Variants in CSNK2A1 observed in about 807,000 individuals in gnomAD.
CSNK2A1 encodes the protein casein kinase II subunit alpha.
CSNK2A1 carries 10 observed loss-of-function variants against 62.9 expected under a neutral mutation model. The ratio of observed to expected loss-of-function variants is 0.16; its 90% CI spans 0.10 to 0.27. The LOEUF (loss-of-function observed/expected upper bound fraction) is 0.27. CSNK2A1 is among the 10% of genes least tolerant of loss of function. The pLI is 1.00. For synonymous variants in CSNK2A1, 124 were observed against 167.8 expected (o/e 0.74, Z 2.02); for missense variants, 160 against 492.0 (o/e 0.33, Z 6.38).
intron 2 of CSNK2A1, among the ~76,000 whole-genome samples, chr20:509,544 T>C (rs1341498678): frequency 6.6e-6 from 1 of 152,176 alleles, no homozygotes; most frequent in Non-Finnish European, 1.5e-5. Context: ...CGTATGCAAG[T>C]CTCCTGGCTG....
chr20:487,982 A>T (rs1292773633), intron 11 of CSNK2A1: 1 of 251,138 alleles, frequency 4.0e-6, no homozygotes, highest in Admixed American at 4.9e-5. Flanking sequence ...TTGAGTGGTT[A>T]AGTGTATAAG....
At chr20:522,162 A>G (rs1234095940) in intron 2 of CSNK2A1, among the ~76,000 whole-genome samples, 1 of 152,208 alleles carries the variant, frequency 6.6e-6, no homozygotes, top group African/African-American at 2.4e-5. Context: ...GTGGAGCTCA[A>G]TTTTTCTCCT....
intron 7 of CSNK2A1, chr20:496,255 A>G (rs1264795023): frequency 6.0e-6 from 1 of 165,796 alleles, no homozygotes; most frequent in Non-Finnish European, 1.3e-5. Flanking sequence ...TTTTGTAAAT[A>G]ATGTTTTATT....
Position 500,227 on chromosome 20 carries a change from A to C in CSNK2A1, c.214-293T>G, listed in dbSNP as rs2018432169. 3 of 310,972 alleles carry C rather than the reference A, an allele frequency of 9.6e-6. No individual in the cohort carries two copies. In the South Asian group the frequency reaches 1.3e-4, roughly 13 times the overall value. The allele number at this position is 310,972 out of a possible 1,614,324, so 19.3% of individuals were successfully genotyped here. A position where few individuals can be genotyped will look rare whatever the true frequency, so the allele number is the denominator to read the frequency against. On this transcript the variant is annotated intron_variant, in intron 4 of 13. Transcript: ENST00000217244. ...TGATGTTAATGTTTTAAAACATGTT[A>C]AACATGTTAATGTCTTAAAACCTTA...
At chr20:525,275 G>A (rs1043118060) in intron 2 of CSNK2A1, among the ~76,000 whole-genome samples, 3 of 151,694 alleles carry the variant, frequency 2.0e-5, no homozygotes, top group African/African-American at 7.3e-5. Context: ...ACTTTGGGAG[G>A]CTGAGGTGAG....
In CSNK2A1 at chr20:478,378, G is replaced by A. The variant is rs944685532; in HGVS notation, c.*5583C>T. 2.2e-5 allele frequency: 5 copies of A among 224,774 alleles called. No homozygotes were observed. The highest frequency in any genetic ancestry group is 1.2e-4 in the African/African-American group (5 of 41,810). The allele number at this position is 224,774 out of a possible 1,614,324, so 13.9% of individuals were successfully genotyped here. ...AGCAAGGTCCTCTCCTTCTAGGTAT[G>A]GCTAGAAATGTTTATCAATAGCTGA... is the stretch of plus-strand genomic sequence containing the variant. On this transcript the variant is annotated 3_prime_UTR_variant, in exon 14 of 14. Transcript: ENST00000217244.
rs1355045685 is a variant in CSNK2A1, at chr20:483,299, TGAACA to T, written c.*657_*661del. The T allele has an allele frequency of 1.3e-5, 2 of 152,204 alleles. No homozygotes were observed. Among genetic ancestry groups the T allele is most frequent in the African/African-American group, 2.4e-5 (1 of 41,450 alleles). The allele number at this position is 152,204 out of a possible 1,614,324, so 9.4% of individuals were successfully genotyped here. The stretch of plus-strand genomic sequence containing the variant: ...TAGATCAGTAAGACATGATTCTTAC[TGAACA>T]GAAGTTTTTAGTATCTGTCTGCATT... On this transcript the variant is annotated 3_prime_UTR_variant, in exon 14 of 14. Transcript: ENST00000217244.
chr20:535,431 C>T (rs2019297510), intron 1 of CSNK2A1, among the ~76,000 whole-genome samples: 1 of 152,156 alleles, frequency 6.6e-6, no homozygotes, highest in African/African-American at 2.4e-5. Context: ...AAGCAGATGG[C>T]CATTTGTAGC....
intron 2 of CSNK2A1, among the ~76,000 whole-genome samples, chr20:525,420 A>C (rs2019059780): frequency 6.6e-6 from 1 of 152,078 alleles, no homozygotes; most frequent in Non-Finnish European, 1.5e-5. Context: ...TGGGAGGCTG[A>C]GGCGGGCGGA....
At chr20:530,676 T>C (rs951379416) in intron 1 of CSNK2A1, among the ~76,000 whole-genome samples, 2 of 152,168 alleles carry the variant, frequency 1.3e-5, no homozygotes, top group South Asian at 2.1e-4. Flanking sequence ...GGTTTCGCCA[T>C]GTTGCCCAGG....
chr20:475,859 C>G lies in CSNK2A1; in HGVS notation c.*8102G>C, dbSNP rs929470009. 1 of 152,194 alleles carries G rather than the reference C, an allele frequency of 6.6e-6. No individual in the cohort carries two copies. Among genetic ancestry groups the G allele is most frequent in the Non-Finnish European group, 1.5e-5 (1 of 68,052 alleles). The allele number at this position is 152,194 out of a possible 1,614,324, so 9.4% of individuals were successfully genotyped here. ...CTGCTGCAACTTCTGCCACATTGGGCAAACCTGAATCCAATTCACATGGAG... is the reference window on the plus strand; with the variant it reads ...CTGCTGCAACTTCTGCCACATTGGGGAAACCTGAATCCAATTCACATGGAG... On this transcript the variant is annotated 3_prime_UTR_variant, in exon 14 of 14. Coordinates refer to ENST00000217244, the MANE Select transcript of CSNK2A1 (RefSeq NM_177559.3).
intron 2 of CSNK2A1, among the ~76,000 whole-genome samples, chr20:516,491 T>C (rs1307317191): frequency 1.3e-5 from 2 of 152,230 alleles, no homozygotes; most frequent in African/African-American, 2.4e-5. Context: ...GAAAATGCCA[T>C]TAAACCATAA....
intron 6 of CSNK2A1, chr20:498,991 T>C (rs774925734): frequency 8.1e-6 from 2 of 246,946 alleles, no homozygotes; most frequent in African/African-American, 2.2e-5. Flanking sequence ...CTTCATTAGG[T>C]TGGACATCAG....
chr20:542,411 C>T (rs1383412877), intron 1 of CSNK2A1, among the ~76,000 whole-genome samples: 1 of 152,180 alleles, frequency 6.6e-6, no homozygotes, highest in East Asian at 1.9e-4. Context: ...GTCTCCAATT[C>T]TTGGAAAAAT....
chr20:509,502 C>A (rs1425609502), intron 2 of CSNK2A1, among the ~76,000 whole-genome samples: 4 of 152,194 alleles, frequency 2.6e-5, no homozygotes, highest in Admixed American at 1.3e-4. Flanking sequence ...TATTGAGTCT[C>A]CAGATTGTGA....
chr20:543,029 C>T (rs1272788064), intron 1 of CSNK2A1: 1 of 152,256 alleles, frequency 6.6e-6, no homozygotes, highest in African/African-American at 2.4e-5. Context: ...ATATGTATAC[C>T]CTTAGCCAAG....
Position 476,062 on chromosome 20 carries a change from T to A in CSNK2A1, c.*7899A>T, listed in dbSNP as rs913965251. 2 of 152,272 alleles carry A rather than the reference T, an allele frequency of 1.3e-5. No individual in the cohort carries two copies. Among genetic ancestry groups the A allele is most frequent in the African/African-American group, 4.8e-5 (2 of 41,452 alleles). 9.4% of individuals were successfully genotyped at this position (152,272 alleles called of 1,614,324 possible). On this transcript the variant is annotated 3_prime_UTR_variant, in exon 14 of 14. Coordinates refer to ENST00000217244, the MANE Select transcript of CSNK2A1 (RefSeq NM_177559.3). ...TGACTGGCTAGGAACCTGGACAGAT[T>A]CCTGGCAACATAGCTGTGCAAAAGC...
chr20:538,555 T>TCA (rs2019382256), intron 1 of CSNK2A1, among the ~76,000 whole-genome samples: 1 of 152,218 alleles, frequency 6.6e-6, no homozygotes, highest in South Asian at 2.1e-4. Flanking sequence ...ATAGGATACT[T>TCA]TAAAGAACAA....
At chr20:514,811 T>C (rs2018795775) in intron 2 of CSNK2A1, among the ~76,000 whole-genome samples, 1 of 152,206 alleles carries the variant, frequency 6.6e-6, no homozygotes, top group Non-Finnish European at 1.5e-5. Context: ...GTATATCACA[T>C]GTAAGCTAAC....
Sources: allele counts gnomAD v4.1 joint callset (sites outside exome capture counted in the v4.1 genomes callset), GRCh38; gene constraint gnomAD v4.1.1; transcripts MANE v1.5; gene names NCBI Gene and HGNC (gene_info 2026-07-23, HGNC 2026-07-21).